Variants in FAM81B observed in about 807,000 individuals in gnomAD.
The protein encoded by FAM81B is family with sequence similarity 81 member B.
Under a neutral mutation model 58.7 loss-of-function variants are expected in FAM81B, and 60 were observed. The ratio of observed to expected loss-of-function variants is 1.02; its 90% CI spans 0.83 to 1.27. FAM81B has a LOEUF of 1.27. FAM81B is among the 50% of genes most tolerant of loss of function. The pLI is 0.00. For synonymous variants in FAM81B, 189 were observed against 179.6 expected, an observed-to-expected ratio of 1.05 and a Z score of -0.42; for missense variants, 491 against 522.0, an observed-to-expected ratio of 0.94 and a Z score of 0.58.
intron 3 of FAM81B, among the ~76,000 whole-genome samples, chr5:95,399,165 A>C (rs1319246708): frequency 6.6e-6 from 1 of 152,244 alleles, no homozygotes; most frequent in East Asian, 1.9e-4. Flanking sequence ...ATCTGGATAC[A>C]TAAAACTTTC....
At chr5:95,446,815 T>TA in intron 8 of FAM81B, 118 bp downstream of exon 8, 1 of 1,347,148 alleles carries the variant, frequency 7.4e-7, no homozygotes, top group Non-Finnish European at 1.0e-6. Context: ...TCAGTAACTT[T>TA]TTTTTTTTTA....
chr5:95,410,608 T>C (rs990333200), intron 3 of FAM81B: 1 of 152,326 alleles, frequency 6.6e-6, no homozygotes, highest in East Asian at 1.9e-4. Context: ...ATAATAGTCA[T>C]TTTTAAAAGA....
In FAM81B at chr5:95,391,658, T is replaced by C. The variant is rs1031667136; in HGVS notation, c.124+145T>C. On this transcript the variant is annotated intron_variant, in intron 1 of 9. Transcript: ENST00000283357. ...AACAGAGTAATAACTTAAACAAATG[T>C]ACAAGAAAAAAAAACCCCATCAAAA... 6.0e-6 allele frequency: 5 copies of C among 838,038 alleles called. No individual in the cohort carries two copies. In the African/African-American group the frequency reaches 7.7e-5, roughly 13 times the overall value. 51.9% of individuals were successfully genotyped at this position (838,038 alleles called of 1,614,324 possible).
At chr5:95,440,064 T>C (rs1745271852) in intron 7 of FAM81B, 1 of 472,332 alleles carries the variant, frequency 2.1e-6, no homozygotes, top group Non-Finnish European at 4.1e-6. Context: ...TTGTTTGGCT[T>C]GAAGACCAGA....
intron 3 of FAM81B, among the ~76,000 whole-genome samples, chr5:95,412,252 C>G (rs1762425652): frequency 6.6e-6 from 1 of 152,130 alleles, no homozygotes; most frequent in Non-Finnish European, 1.5e-5. Context: ...CATACACCAA[C>G]ATGAGCAATC....
chr5:95,448,430 T>C lies in FAM81B; in HGVS notation c.1191T>C (p.Gly397=). The change falls in exon 9 of 10, where the codon GGT becomes GGC. Residue 397 remains glycine (G), a synonymous_variant. Transcript: ENST00000283357. ...KMEQMEKQIW[G]ELETMQNEYQ... ...AACAAATGGAAAAGCAGATCTGGGG[T>C]GAATTAGAGACAATGCAGAATGAAT... The C allele has an allele frequency of 6.2e-7, 1 of 1,609,082 alleles. No individual in the cohort carries two copies. The highest frequency in any genetic ancestry group is 8.5e-7 in the Non-Finnish European group (1 of 1,178,822).
chr5:95,433,650 G>T (rs1417725460), intron 6 of FAM81B, among the ~76,000 whole-genome samples: 1 of 152,024 alleles, frequency 6.6e-6, no homozygotes, highest in African/African-American at 2.4e-5. Flanking sequence ...TTTGGTGGCT[G>T]GATAGTCCAT....
At chr5:95,408,345 T>A (rs560191178) in intron 3 of FAM81B, among the ~76,000 whole-genome samples, 1 of 152,374 alleles carries the variant, frequency 6.6e-6, no homozygotes, top group East Asian at 1.9e-4. Context: ...TAATTTACTT[T>A]GTTTACTTTT....
In FAM81B at chr5:95,450,400, G is replaced by A. The variant is rs1451809452; in HGVS notation, c.*118G>A. The A allele has an allele frequency of 3.3e-6, 5 of 1,493,438 alleles. No individual in the cohort carries two copies. The highest frequency in any genetic ancestry group is 2.5e-5 in the Admixed American group (1 of 39,378). 92.5% of individuals were successfully genotyped at this position (1,493,438 alleles called of 1,614,324 possible). A position where few individuals can be genotyped will look rare whatever the true frequency, so the allele number is the denominator to read the frequency against. On this transcript the variant is annotated 3_prime_UTR_variant, in exon 10 of 10. Coordinates refer to ENST00000283357, the MANE Select transcript of FAM81B (RefSeq NM_152548.3). ...TGCTTCTAATGTCTCCTTTTAAGGA[G>A]ACGAATGTACCAGAAAAATAATAAA... is the stretch of plus-strand genomic sequence containing the variant.
At position 95,424,265 on chromosome 5, in the gene FAM81B, C is replaced by T. The variant is rs1445929289; in HGVS notation, c.656+3863C>T. On this transcript the variant is annotated intron_variant, in intron 5 of 9. Coordinates refer to ENST00000283357, the MANE Select transcript of FAM81B (RefSeq NM_152548.3). ...GCATATGAATCACTTCCACTATCATCCCCAGATAGACAGAAGACAGACAGA... is the reference window on the plus strand; with the variant it reads ...GCATATGAATCACTTCCACTATCATTCCCAGATAGACAGAAGACAGACAGA... 4.0e-6 allele frequency: 5 copies of T among 1,256,484 alleles called. No homozygotes were observed. The African/African-American group carries it at 7.7e-5, about 19-fold the overall frequency. The allele number at this position is 1,256,484 out of a possible 1,614,324, so 77.8% of individuals were successfully genotyped here. A position where few individuals can be genotyped will look rare whatever the true frequency, so the allele number is the denominator to read the frequency against.
intron 6 of FAM81B, among the ~76,000 whole-genome samples, chr5:95,433,206 G>A (rs1222011446): frequency 6.6e-6 from 1 of 152,078 alleles, no homozygotes; most frequent in African/African-American, 2.4e-5. Flanking sequence ...GAGGTTTAAT[G>A]GACTCATAGT....
At chr5:95,437,243 A>T (rs1745140565) in intron 7 of FAM81B, among the ~76,000 whole-genome samples, 1 of 152,172 alleles carries the variant, frequency 6.6e-6, no homozygotes, top group South Asian at 2.1e-4. Context: ...TTCATTCCTC[A>T]AGATTATCAA....
At chr5:95,411,628 T>C (rs1300741500) in intron 3 of FAM81B, among the ~76,000 whole-genome samples, 1 of 152,204 alleles carries the variant, frequency 6.6e-6, no homozygotes, top group African/African-American at 2.4e-5. Flanking sequence ...TGAAACACCA[T>C]GACGATAACC....
At chr5:95,409,699 C>A (rs1326934279) in intron 3 of FAM81B, among the ~76,000 whole-genome samples, 1 of 152,164 alleles carries the variant, frequency 6.6e-6, no homozygotes, top group Non-Finnish European at 1.5e-5. Flanking sequence ...GCCTCGCCAT[C>A]CACACACACT....
In FAM81B at chr5:95,391,388, G is replaced by A; in HGVS notation, c.-2G>A. 6.2e-7 allele frequency: 1 copy of A among 1,612,244 alleles called. No individual in the cohort carries two copies. Among genetic ancestry groups the A allele is most frequent in the Non-Finnish European group, 8.5e-7 (1 of 1,179,098 alleles). ...CCCAGAAACAGGAAGACCTTAGTTAGGATGCAATTACAATTCCTTGGTACA... is the reference window on the plus strand; with the variant it reads ...CCCAGAAACAGGAAGACCTTAGTTAAGATGCAATTACAATTCCTTGGTACA... On this transcript the variant is annotated 5_prime_UTR_variant, in exon 1 of 10. Transcript: ENST00000283357.
At chr5:95,440,424 G>T in intron 7 of FAM81B, 1 of 657,868 alleles carries the variant, frequency 1.5e-6, no homozygotes, top group Admixed American at 1.8e-5. Context: ...AATGCCTAAG[G>T]CAATTCGAAT....
chr5:95,429,370 A>G (rs978093394), intron 6 of FAM81B, among the ~76,000 whole-genome samples: 30 of 152,206 alleles, frequency 2.0e-4, no homozygotes, highest in African/African-American at 5.8e-4. Context: ...GTGGAGCCCA[A>G]TGCAAAGTTT....
At chr5:95,424,630 C>T (rs1332621354) in intron 5 of FAM81B, among the ~76,000 whole-genome samples, 2 of 152,126 alleles carry the variant, frequency 1.3e-5, no homozygotes, top group African/African-American at 4.8e-5. Flanking sequence ...ACTGCCTTAG[C>T]AGAATGAAAG....
intron 6 of FAM81B, among the ~76,000 whole-genome samples, chr5:95,433,158 A>C (rs1744965392): frequency 6.6e-6 from 1 of 152,158 alleles, no homozygotes; most frequent in Non-Finnish European, 1.5e-5. Flanking sequence ...GCTAATAAAG[A>C]CATACCCAAG....
Sources: allele counts gnomAD v4.1 joint callset (sites outside exome capture counted in the v4.1 genomes callset), GRCh38; gene constraint gnomAD v4.1.1; transcripts MANE v1.5; gene names NCBI Gene and HGNC (gene_info 2026-07-23, HGNC 2026-07-21).